LINGO2: variants seen among roughly 807,000 people sequenced by gnomAD.
LINGO2 encodes the protein leucine rich repeat and Ig domain containing 2, also known as leucine-rich repeat and immunoglobulin-like domain-containing nogo receptor-interacting protein 2.
Under a neutral mutation model 30.6 loss-of-function variants are expected in LINGO2, and 14 were observed. The observed-to-expected ratio is 0.46, with a 90% CI of 0.30 to 0.72. The LOEUF (loss-of-function observed/expected upper bound fraction) is 0.72, where lower values mean the gene tolerates loss of function less well. LINGO2 is among the 30% of genes least tolerant of loss of function. The probability of loss-of-function intolerance (pLI) is 0.07; values close to 1 mark genes in which losing one functional copy is unlikely to be tolerated. For missense variants in LINGO2, 729 were observed against 751.7 expected (o/e 0.97, Z 0.35); for synonymous variants, 317 against 288.5 (o/e 1.10, Z -1.00).
chr9:29,198,673 G>C, the LINGO2 span, among the ~76,000 whole-genome samples: 1 of 152,110 alleles, frequency 6.6e-6, no homozygotes, highest in Non-Finnish European at 1.5e-5. Context: ...TAGCTGAGCA[G>C]AGTGAATTGT....
At chr9:28,221,496 G>C (rs1016496100) in intron 4 of LINGO2, among the ~76,000 whole-genome samples, 1 of 152,050 alleles carries the variant, frequency 6.6e-6, no homozygotes, top group African/African-American at 2.4e-5. Flanking sequence ...TGGAAGTAGA[G>C]GGAAGGTGTT....
the LINGO2 span, among the ~76,000 whole-genome samples, chr9:28,947,509 A>G: frequency 2.0e-4 from 30 of 152,074 alleles, no homozygotes; most frequent in Non-Finnish European, 4.1e-4. Context: ...GTACATACAC[A>G]TAGTGGGAAA....
intron 1 of LINGO2, among the ~76,000 whole-genome samples, chr9:28,538,336 T>C (rs1263169677): frequency 2.0e-5 from 3 of 152,082 alleles, no homozygotes; most frequent in East Asian, 1.9e-4. Flanking sequence ...AAAATATAGA[T>C]ATGGAAGATG....
chr9:28,360,334 G>C (rs1820391315), intron 3 of LINGO2, among the ~76,000 whole-genome samples: 1 of 152,078 alleles, frequency 6.6e-6, no homozygotes, highest in African/African-American at 2.4e-5. Context: ...GAGGTAGTTG[G>C]GGATTAGAAG....
At chr9:28,458,080 G>A (rs1030076122) in intron 2 of LINGO2, among the ~76,000 whole-genome samples, 4 of 152,120 alleles carry the variant, frequency 2.6e-5, no homozygotes, top group African/African-American at 9.7e-5. Flanking sequence ...TTGGGAAATT[G>A]ACTTGATGCA....
the LINGO2 span, among the ~76,000 whole-genome samples, chr9:29,027,810 T>G: frequency 6.6e-6 from 1 of 152,194 alleles, no homozygotes; most frequent in Non-Finnish European, 1.5e-5. Flanking sequence ...ATTACTTAAC[T>G]GCCCTAAACT....
At chr9:28,152,196 A>G (rs895197241) in intron 4 of LINGO2, among the ~76,000 whole-genome samples, 14 of 152,158 alleles carry the variant, frequency 9.2e-5, no homozygotes, top group African/African-American at 3.4e-4. Context: ...CCTCATTAAT[A>G]GATTCATGCC....
chr9:28,353,594 GC>G (rs1445150909), intron 3 of LINGO2, among the ~76,000 whole-genome samples: 1 of 147,528 alleles, frequency 6.8e-6, no homozygotes, highest in Non-Finnish European at 1.5e-5. Context: ...AGTCAGTGTG[GC>G]GATTCCTCAG....
intron 3 of LINGO2, among the ~76,000 whole-genome samples, chr9:28,362,404 T>G (rs189186864): frequency 3.3e-5 from 5 of 151,334 alleles, no homozygotes; most frequent in Non-Finnish European, 5.9e-5. Flanking sequence ...GAACAAAGAT[T>G]GAGTAACAGA....
chr9:28,494,093 T>C (rs1054296435), intron 1 of LINGO2, among the ~76,000 whole-genome samples: 1 of 152,202 alleles, frequency 6.6e-6, no homozygotes, highest in African/African-American at 2.4e-5. Context: ...TAGGGATTCA[T>C]AGATTATTAG....
chr9:28,760,957 TAC>T, the LINGO2 span, among the ~76,000 whole-genome samples: 1 of 148,884 alleles, frequency 6.7e-6, no homozygotes, highest in Non-Finnish European at 1.5e-5. Flanking sequence ...CACACACACA[TAC>T]ACACACACAC....
intron 3 of LINGO2, among the ~76,000 whole-genome samples, chr9:28,315,245 A>T (rs539819952): frequency 1.4e-4 from 22 of 151,896 alleles, no homozygotes; most frequent in Admixed American, 3.9e-4. Flanking sequence ...TCTACTAAAA[A>T]TACCAAAAAT....
chr9:29,081,651 T>G, the LINGO2 span, among the ~76,000 whole-genome samples: 2 of 152,152 alleles, frequency 1.3e-5, no homozygotes, highest in African/African-American at 2.4e-5. Flanking sequence ...TGTCCCTGTT[T>G]GCAGATTACA....
chr9:29,044,615 T>A, the LINGO2 span, among the ~76,000 whole-genome samples: 2 of 152,086 alleles, frequency 1.3e-5, no homozygotes, highest in Non-Finnish European at 2.9e-5. Context: ...AAAGGGATAT[T>A]CTCAAAAATA....
At chr9:28,289,881 T>C (rs1823654288) in intron 4 of LINGO2, among the ~76,000 whole-genome samples, 1 of 152,166 alleles carries the variant, frequency 6.6e-6, no homozygotes, top group Non-Finnish European at 1.5e-5. Context: ...CCCTCCACAT[T>C]GTAATTCAGG....
intron 1 of LINGO2, among the ~76,000 whole-genome samples, chr9:28,501,144 G>T (rs7853019): frequency 0.022 from 3,275 of 152,182 alleles, 105 homozygotes; most frequent in East Asian, 0.098. Context: ...TCATGCAACA[G>T]TGTTGAACAA....
rs991070316 is a variant in LINGO2 at position 28,581,722 on chromosome 9, G to A, written c.-365+88478C>T. Among the ~76,000 whole-genome samples the A allele has an allele frequency of 8.6e-5, 13 of 151,762 alleles. No homozygotes were observed. In the East Asian group the frequency reaches 1.2e-3, roughly 14 times the overall value. ...CACACAAGAATGCATCTATTCTGCT[G>A]AGATATATTTAAAGGTTTCTTGTAA... On this transcript the variant is annotated intron_variant, in intron 1 of 5. Transcript: ENST00000379992.
chr9:28,763,993 A>C, the LINGO2 span, among the ~76,000 whole-genome samples: 1 of 151,816 alleles, frequency 6.6e-6, no homozygotes, highest in Non-Finnish European at 1.5e-5. Context: ...GTCTGAATAG[A>C]CCAATAACAA....
At chr9:29,002,877 A>G in the LINGO2 span, among the ~76,000 whole-genome samples, 5 of 151,988 alleles carry the variant, frequency 3.3e-5, no homozygotes, top group Non-Finnish European at 7.4e-5. Flanking sequence ...GATAGGTCCA[A>G]ATCCAAATCC....
Sources: allele counts gnomAD v4.1 joint callset (sites outside exome capture counted in the v4.1 genomes callset), GRCh38; gene constraint gnomAD v4.1.1; transcripts MANE v1.5; gene names NCBI Gene and HGNC (gene_info 2026-07-23, HGNC 2026-07-21).